NAV2: variants seen among roughly 807,000 people sequenced by gnomAD.
NAV2 encodes the protein neuron navigator 2.
Under a neutral mutation model 223.2 loss-of-function variants are expected in NAV2, and 54 were observed. The observed-to-expected ratio is 0.24, with a 90% CI of 0.19 to 0.30. The LOEUF (loss-of-function observed/expected upper bound fraction) is 0.30. Among genes scored for constraint, NAV2 ranks in the 10% least tolerant of loss-of-function variants. The pLI, the probability that NAV2 is intolerant of heterozygous loss-of-function variation, is 1.00. For synonymous variants in NAV2, 1,279 were observed against 1,239.3 expected (o/e 1.03, Z -0.67); for missense variants, 2,806 against 3,147.5 (o/e 0.89, Z 2.60).
Position 19,552,906 on chromosome 11 carries a change from G to A in NAV2, c.75+201879G>A, listed in dbSNP as rs539534227. On this transcript the variant is annotated intron_variant, in intron 1 of 37. Coordinates refer to the NAV2 transcript ENST00000360655. ...GTGTGAGTGTGTGTGGGGGGGAAGG[G>A]GGGGAGCTGGATGGGAGTGCTGAGA... Among the ~76,000 whole-genome samples the A allele has an allele frequency of 6.3e-4, 95 of 151,992 alleles. 1 individual carries two copies. Among genetic ancestry groups the A allele is most frequent in the African/African-American group, 2.1e-3 (88 of 41,390 alleles).
intron 11 of NAV2, among the ~76,000 whole-genome samples, chr11:20,017,180 C>G (rs928655280): frequency 6.6e-6 from 1 of 152,172 alleles, no homozygotes; most frequent in African/African-American, 2.4e-5. Flanking sequence ...TGATACTTTT[C>G]TAGGATCAGT....
chr11:19,525,321 T>G (rs1459286717), intron 1 of NAV2, among the ~76,000 whole-genome samples: 1 of 152,182 alleles, frequency 6.6e-6, no homozygotes, highest in African/African-American at 2.4e-5. Flanking sequence ...TTTCAGATCA[T>G]CAGAAATGCT....
At chr11:19,740,817 A>G (rs1324862599) in intron 1 of NAV2, among the ~76,000 whole-genome samples, 3 of 152,160 alleles carry the variant, frequency 2.0e-5, no homozygotes, top group Non-Finnish European at 4.4e-5. Flanking sequence ...CACTATTACT[A>G]TTGTTATCAT....
chr11:19,585,021 T>C (rs530657300), intron 1 of NAV2, among the ~76,000 whole-genome samples: 1 of 152,358 alleles, frequency 6.6e-6, no homozygotes, highest in Non-Finnish European at 1.5e-5. Context: ...TCTAAGTCTC[T>C]TTGTAGGTCT....
chr11:19,692,966 G>A (rs952803364), intron 1 of NAV2, among the ~76,000 whole-genome samples: 3 of 152,232 alleles, frequency 2.0e-5, no homozygotes, highest in Admixed American at 6.5e-5. Flanking sequence ...GCTGCTCCCC[G>A]ATCAGGACAG....
At chr11:19,957,969 G>A (rs1055842957) in intron 10 of NAV2, among the ~76,000 whole-genome samples, 2 of 152,172 alleles carry the variant, frequency 1.3e-5, no homozygotes, top group African/African-American at 4.8e-5. Context: ...CGATTTCTTG[G>A]GAATTTCCTA....
At chr11:19,526,496 C>T (rs1270531189) in intron 1 of NAV2, among the ~76,000 whole-genome samples, 2 of 152,040 alleles carry the variant, frequency 1.3e-5, no homozygotes, top group African/African-American at 4.8e-5. Flanking sequence ...TGATTGGCCT[C>T]TTATCTCTTT....
intron 1 of NAV2, among the ~76,000 whole-genome samples, chr11:19,592,782 A>G (rs1212696279): frequency 1.3e-5 from 2 of 152,212 alleles, no homozygotes; most frequent in African/African-American, 4.8e-5. Flanking sequence ...GCTGATATTG[A>G]CTAAGTGCTC....
At chr11:19,533,227 T>C (rs2044082126) in intron 1 of NAV2, among the ~76,000 whole-genome samples, 1 of 152,072 alleles carries the variant, frequency 6.6e-6, no homozygotes, top group African/African-American at 2.4e-5. Context: ...CAATTGACGT[T>C]TGGAGCTAGA....
chr11:20,005,942 TTTCA>T (rs2053029251), intron 11 of NAV2, among the ~76,000 whole-genome samples: 9 of 152,188 alleles, frequency 5.9e-5, no homozygotes, highest in Non-Finnish European at 1.2e-4. Flanking sequence ...CTCAGTGAGA[TTTCA>T]TCATTTTAAA....
At chr11:19,859,088 T>G (rs747966874) in intron 3 of NAV2, among the ~76,000 whole-genome samples, 9 of 151,058 alleles carry the variant, frequency 6.0e-5, no homozygotes, top group Non-Finnish European at 1.2e-4. Flanking sequence ...CTTGTGGGCA[T>G]CTGTCAGGGA....
At chr11:20,012,167 C>G (rs948069585) in intron 11 of NAV2, among the ~76,000 whole-genome samples, 21 of 152,218 alleles carry the variant, frequency 1.4e-4, no homozygotes, top group African/African-American at 4.8e-4. Flanking sequence ...CAGCTAGCTC[C>G]CTGCAGCTGA....
intron 3 of NAV2, among the ~76,000 whole-genome samples, chr11:19,853,745 C>A (rs968666588): frequency 8.8e-6 from 1 of 113,888 alleles, no homozygotes; most frequent in Non-Finnish European, 1.8e-5. Context: ...GCTCACTTAA[C>A]CTCTGTAACT....
Position 20,087,107 on chromosome 11 carries a change from G to C in NAV2, c.5499-3758G>C, listed in dbSNP as rs374394840. ...TCAGAAAGAGGGAGTTACAGCTGCC[G>C]GCCAGCAAGGTGGGAGGAAACCTGG... is the stretch of plus-strand genomic sequence containing the variant. On this transcript the variant is annotated intron_variant, in intron 26 of 37. Coordinates refer to ENST00000349880, the MANE Select transcript of NAV2 (RefSeq NM_145117.5). Among the ~76,000 whole-genome samples the C allele has an allele frequency of 1.4e-4, 21 of 152,252 alleles. No homozygotes were observed. In the East Asian group the frequency reaches 3.9e-3, roughly 28 times the overall value.
chr11:19,892,593 A>T lies in NAV2; in HGVS notation c.930A>T (p.Lys310Asn). The change falls in exon 6 of 38, where the codon AAA becomes AAT. Residue 310 changes from lysine to asparagine, a missense_variant and splice_region_variant. Lys to Asn is a moderately conservative substitution (Grantham distance 94). Around this residue, in one of 4 missense-constraint regions of NAV2, gnomAD observed 1,167 missense variants for 1,180.5 expected, o/e 0.99. Coordinates refer to ENST00000349880, the MANE Select transcript of NAV2 (RefSeq NM_145117.5). ...CCCCACCGCCAAGCAGCCACGAGAA[A>T]GGTGAGTCACCTTCTTGAGGAGCCT... is the stretch of plus-strand genomic sequence containing the variant. ...SPPPPPSSHE[K>N]EPLASSASSH... 1 of 1,613,436 alleles carries T rather than the reference A, an allele frequency of 6.2e-7. No individual in the cohort carries two copies. The highest frequency in any genetic ancestry group is 1.1e-5 in the South Asian group (1 of 90,908).
chr11:19,613,675 A>G lies in NAV2; in HGVS notation c.76-218809A>G, dbSNP rs975083325. 1.6e-4 allele frequency among the ~76,000 whole-genome samples: 24 copies of G among 152,322 alleles called. No homozygotes were observed. In the Middle Eastern group the frequency reaches 0.01, roughly 65 times the overall value. On this transcript the variant is annotated intron_variant, in intron 1 of 37. Coordinates refer to the NAV2 transcript ENST00000360655. ...ACCTAGGTTTCACTGAGTCTAAAAC[A>G]ACTTTTCATCGTGGGCAAGAACCAA...
intron 10 of NAV2, among the ~76,000 whole-genome samples, chr11:19,975,472 A>C (rs1325727777): frequency 6.6e-6 from 1 of 152,162 alleles, no homozygotes; most frequent in Non-Finnish European, 1.5e-5. Flanking sequence ...ATCTTTTTCA[A>C]CCAAAATGCT....
At chr11:19,504,293 C>A (rs2043052052) in intron 1 of NAV2, 1 of 152,176 alleles carries the variant, frequency 6.6e-6, no homozygotes, top group Non-Finnish European at 1.5e-5. Flanking sequence ...ACCATATGAT[C>A]CATGTAGTAT....
chr11:19,526,974 G>A lies in NAV2; in HGVS notation c.75+175947G>A, dbSNP rs2043859843. 3.3e-5 allele frequency among the ~76,000 whole-genome samples: 5 copies of A among 152,208 alleles called. No homozygotes were observed. In the South Asian group the frequency reaches 1.0e-3, roughly 32 times the overall value. ...AGGTCCCTGGGGTTCATGGCTCCTT[G>A]GCTGCTGCTGGGGAGGGAGAGTTGG... On this transcript the variant is annotated intron_variant, in intron 1 of 37. Transcript: ENST00000360655.
Sources: gnomAD v4.1 joint callset for allele counts (sites outside exome capture counted in the v4.1 genomes callset) on GRCh38, gnomAD v4.1.1 for gene constraint, gnomAD v4.1.1 regional missense constraint, MANE v1.5 for transcripts, NCBI Gene and HGNC (gene_info 2026-07-23, HGNC 2026-07-21) for gene names.